The following MMP15 variants were observed in gnomAD, a reference collection of about 807,000 sequenced individuals.
MMP15 encodes matrix metallopeptidase 15.
In MMP15, 36 loss-of-function variants were observed where a neutral mutation model predicts 65.0. The observed-to-expected ratio is 0.55, with a 90% CI of 0.42 to 0.73. MMP15 has a LOEUF of 0.73. Ranked by LOEUF, MMP15 falls within the 30% of genes least tolerant of loss-of-function variation. The probability of loss-of-function intolerance (pLI) is 0.00; values close to 1 mark genes in which losing one functional copy is unlikely to be tolerated. For synonymous variants in MMP15, 428 were observed against 410.2 expected (o/e 1.04, Z -0.52); for missense variants, 870 against 987.8 (o/e 0.88, Z 1.60).
chr16:58,041,942 A>C, intron 6 of MMP15, 72 bp downstream of exon 6: 1 of 1,480,202 alleles, frequency 6.8e-7, no homozygotes, highest in Admixed American at 2.4e-5. Context: ...TCCCACCCTC[A>C]CTCAGCAGGC....
In MMP15 at chr16:58,026,307, G is replaced by C; in HGVS notation, c.-44G>C. On this transcript the variant is annotated 5_prime_UTR_variant, in exon 1 of 10. Coordinates refer to ENST00000219271, the MANE Select transcript of MMP15 (RefSeq NM_002428.4). ...TCGCAAGTTTCCAAGGCGCGTGCGA[G>C]GATCCGGCGTGCAGTGTTCCGAGCT... 8.0e-7 allele frequency: 1 copy of C among 1,251,546 alleles called. No individual in the cohort carries two copies. Among genetic ancestry groups the C allele is most frequent in the African/African-American group, 1.6e-5 (1 of 64,442 alleles). 77.5% of individuals were successfully genotyped at this position (1,251,546 alleles called of 1,614,324 possible). A position where few individuals can be genotyped will look rare whatever the true frequency, so the allele number is the denominator to read the frequency against.
intron 9 of MMP15, among the ~76,000 whole-genome samples, 160 bp from the exon 10 acceptor site, chr16:58,044,847 G>A (rs1356975947): frequency 1.3e-5 from 2 of 152,234 alleles, no homozygotes; most frequent in South Asian, 2.1e-4. Flanking sequence ...CTGAGCCTCA[G>A]TCTGGCTCCT....
intron 1 of MMP15, among the ~76,000 whole-genome samples, chr16:58,026,959 G>A (rs1299052950): frequency 6.6e-6 from 1 of 152,254 alleles, no homozygotes; most frequent in African/African-American, 2.4e-5. Context: ...GCAAGAGCTG[G>A]GCGGCTGGGC....
chr16:58,043,605 G>T lies in MMP15; in HGVS notation c.1548G>T (p.Gly516=). The T allele has an allele frequency of 6.2e-7, 1 of 1,612,440 alleles. No homozygotes were observed. Among genetic ancestry groups the T allele is most frequent in the Non-Finnish European group, 8.5e-7 (1 of 1,179,424 alleles). The change falls in exon 9 of 10, where the codon GGG becomes GGT. Residue 516 remains glycine, a synonymous_variant. Transcript: ENST00000219271. ...VWQGIPASPK[G]AFLSNDAAYT... ...AGGGGATCCCTGCCTCCCCTAAAGG[G>T]GCCTTCCTGAGCAATGACGCAGGTA...
rs1490460561 is a variant in MMP15 at position 58,026,391 on chromosome 16, C to G, written c.41C>G (p.Thr14Arg). ...AGCGCGCCCGGACGGCCGGGCTGGA[C>G]GGGCAGCCTCCTCGGCGACCGGGAG... The part of the protein sequence containing the change: ...DPSAPGRPGW[T>R]GSLLGDREEA... The change falls in exon 1 of 10, where the codon ACG becomes AGG. Residue 14 changes from threonine (T) to arginine (R), a missense_variant. By Grantham distance (71) the Thr-to-Arg change is moderately conservative. Coordinates refer to ENST00000219271, the MANE Select transcript of MMP15 (RefSeq NM_002428.4). 4.2e-5 allele frequency: 59 copies of G among 1,404,570 alleles called. No homozygotes were observed. Among genetic ancestry groups the G allele is most frequent in the Non-Finnish European group, 5.4e-5 (59 of 1,086,368 alleles). The allele number at this position is 1,404,570 out of a possible 1,614,324, so 87.0% of individuals were successfully genotyped here.
chr16:58,032,393 G>C (rs1435350636), intron 1 of MMP15, among the ~76,000 whole-genome samples: 1 of 151,674 alleles, frequency 6.6e-6, no homozygotes, highest in African/African-American at 2.4e-5. Flanking sequence ...CTGAGGAAGA[G>C]CTAACAGTCC....
chr16:58,043,216 G>A lies in MMP15; in HGVS notation c.1310G>A (p.Arg437His), dbSNP rs372092432. Residue 437 changes from arginine (R) to histidine (H), a missense_variant, in exon 8 of 10, where the codon CGC (arginine) becomes CAC (histidine). Coordinates refer to ENST00000219271, the MANE Select transcript of MMP15 (RefSeq NM_002428.4). ...DGRFVFFKGDRYWLFREANLE... is the reference protein window; with the variant it reads ...DGRFVFFKGDHYWLFREANLE... ...CCTGCCACCCCTCCTGTAGGTGACC[G>A]CTACTGGCTCTTTCGAGAAGCGAAC... is the stretch of plus-strand genomic sequence containing the variant. 4.7e-5 allele frequency: 74 copies of A among 1,590,570 alleles called. No individual in the cohort carries two copies. Among genetic ancestry groups the A allele is most frequent in the African/African-American group, 1.2e-4 (9 of 74,564 alleles).
In MMP15 at chr16:58,045,423, C is replaced by T. The variant is rs1297380124; in HGVS notation, c.1987C>T (p.Arg663Cys). The change falls in exon 10 of 10, where the codon CGC (arginine) becomes TGC (cysteine). Residue 663 changes from arginine (R) to cysteine (C), a missense_variant. Coordinates refer to ENST00000219271, the MANE Select transcript of MMP15 (RefSeq NM_002428.4). ...GAPRVLLYCK[R>C]SLQEWV ...GCCACGTGTCCTGCTTTACTGCAAG[C>T]GCTCGCTGCAGGAGTGGGTCTGACC... 3.9e-6 allele frequency: 6 copies of T among 1,550,334 alleles called. No individual in the cohort carries two copies. Among genetic ancestry groups the T allele is most frequent in the African/African-American group, 2.7e-5 (2 of 74,008 alleles).
rs986281522 is a variant in MMP15, at chr16:58,025,877, G to A, written c.-474G>A. 6.6e-6 allele frequency: 1 copy of A among 152,044 alleles called. No homozygotes were observed. The highest frequency in any genetic ancestry group is 2.4e-5 in the African/African-American group (1 of 41,380). The allele number at this position is 152,044 out of a possible 1,614,324, so 9.4% of individuals were successfully genotyped here. A position where few individuals can be genotyped will look rare whatever the true frequency, so the allele number is the denominator to read the frequency against. On this transcript the variant is annotated 5_prime_UTR_variant, in exon 1 of 10. Transcript: ENST00000219271. Reference sequence around the variant, plus strand: ...GGTCGGCTCCCTGCGCCTCCTCCCGGGACTGCTTGGGGACCCGGGCCCGGT... The same window carrying A: ...GGTCGGCTCCCTGCGCCTCCTCCCGAGACTGCTTGGGGACCCGGGCCCGGT...
intron 7 of MMP15, 148 bp downstream of exon 7, chr16:58,042,517 C>T (rs756975904): frequency 1.5e-4 from 175 of 1,199,766 alleles, no homozygotes; most frequent in Non-Finnish European, 1.9e-4. Flanking sequence ...GATGAGGACA[C>T]AGCAGCAAGG....
intron 1 of MMP15, among the ~76,000 whole-genome samples, chr16:58,029,980 A>G (rs1489211270): frequency 6.6e-6 from 1 of 152,082 alleles, no homozygotes; most frequent in East Asian, 1.9e-4. Context: ...CCCTTCCATC[A>G]TCACCTCTGC....
intron 9 of MMP15, among the ~76,000 whole-genome samples, chr16:58,043,892 G>A (rs564258900): frequency 2.6e-5 from 4 of 152,192 alleles, no homozygotes; most frequent in Admixed American, 2.0e-4. Context: ...AAGGTGCGGC[G>A]TCAGGATTCC....
At chr16:58,031,008 C>T (rs1963884147) in intron 1 of MMP15, among the ~76,000 whole-genome samples, 1 of 152,188 alleles carries the variant, frequency 6.6e-6, no homozygotes, top group Non-Finnish European at 1.5e-5. Context: ...GCACCTTCAA[C>T]ATACTTGTGT....
rs192556377 is a variant in MMP15 at position 58,041,529 on chromosome 16, G to A, written c.911-88G>A. On this transcript the variant is annotated intron_variant, in intron 5 of 9. Coordinates refer to ENST00000219271, the MANE Select transcript of MMP15 (RefSeq NM_002428.4). ...GTAGATGGACAGGATTTTACTTTCC[G>A]CGTGGGTGGGCCTGTGCTGGGGGCC... is the stretch of plus-strand genomic sequence containing the variant. 3.7e-4 allele frequency: 525 copies of A among 1,417,032 alleles called. 3 individuals carry two copies. In the East Asian group the frequency reaches 6.8e-3, roughly 18 times the overall value. The allele number at this position is 1,417,032 out of a possible 1,614,324, so 87.8% of individuals were successfully genotyped here. A position where few individuals can be genotyped will look rare whatever the true frequency, so the allele number is the denominator to read the frequency against.
chr16:58,042,151 GA>G, intron 6 of MMP15, 79 bp from the exon 7 acceptor site: 2 of 1,532,848 alleles, frequency 1.3e-6, no homozygotes, highest in East Asian at 4.5e-5. Context: ...CCTCACCTGG[GA>G]AGGGGTGGTT....
chr16:58,042,145 A>C lies in MMP15; in HGVS notation c.1165-86A>C, dbSNP rs1959470239. On this transcript the variant is annotated intron_variant, in intron 6 of 9. Transcript: ENST00000219271. The stretch of plus-strand genomic sequence containing the variant: ...GTGTCCTCCCCTTGGGCCCACCCTC[A>C]CCTGGGAAGGGGTGGTTTGAGGATG... 3 of 1,510,756 alleles carry C rather than the reference A, an allele frequency of 2.0e-6. No individual in the cohort carries two copies. The South Asian group carries it at 3.8e-5, about 19-fold the overall frequency. 93.6% of individuals were successfully genotyped at this position (1,510,756 alleles called of 1,614,324 possible). A position where few individuals can be genotyped will look rare whatever the true frequency, so the allele number is the denominator to read the frequency against.
At position 58,027,084 on chromosome 16, in the gene MMP15, C is replaced by T. The variant is rs909057117; in HGVS notation, c.162+572C>T. On this transcript the variant is annotated intron_variant, in intron 1 of 9. Transcript: ENST00000219271. ...CGGCTGAGGCAGCGGACTCGGGTTG[C>T]GGGGGCGCTTTGGCGACTTTCTGCG... is the stretch of plus-strand genomic sequence containing the variant. 6.6e-5 allele frequency among the ~76,000 whole-genome samples: 10 copies of T among 152,358 alleles called. No homozygotes were observed. The East Asian group carries it at 1.9e-3, about 29-fold the overall frequency.
In MMP15 at chr16:58,041,701, C is replaced by T. The variant is rs1474817294; in HGVS notation, c.995C>T (p.Pro332Leu). 6.3e-7 allele frequency: 1 copy of T among 1,581,062 alleles called. No individual in the cohort carries two copies. Among genetic ancestry groups the T allele is most frequent in the Non-Finnish European group, 8.6e-7 (1 of 1,163,764 alleles). The change falls in exon 6 of 10, where the codon CCC becomes CTC. Residue 332 changes from proline to leucine, a missense_variant. Coordinates refer to ENST00000219271, the MANE Select transcript of MMP15 (RefSeq NM_002428.4). ...RRPGRPDHRPPRPPQPPPPGG... is the reference protein window; with the variant it reads ...RRPGRPDHRPLRPPQPPPPGG... ...CCAGGCCGGCCTGACCACCGGCCGC[C>T]CCGGCCTCCCCAGCCACCACCCCCA...
Position 58,041,803 on chromosome 16 carries a change from GC to G in MMP15, c.1101del (p.Asn368ThrfsTer87). On this transcript the variant is annotated frameshift_variant, in exon 6 of 10. Transcript: ENST00000219271. LOFTEE classifies it high-confidence loss of function. ...GCCACAGAGCGGCCCGACCAGTATG[GC>G]CCCAACATCTGCGACGGGGACTTTG... ...PRATERPDQY[G>X]PNICDGDFDT... 1 of 1,612,312 alleles carries G rather than the reference GC, an allele frequency of 6.2e-7. No homozygotes were observed. Among genetic ancestry groups the G allele is most frequent in the Non-Finnish European group, 8.5e-7 (1 of 1,179,304 alleles).
Sources: allele counts gnomAD v4.1 joint callset (sites outside exome capture counted in the v4.1 genomes callset), GRCh38; gene constraint gnomAD v4.1.1; transcripts MANE v1.5; gene names NCBI Gene and HGNC (gene_info 2026-07-23, HGNC 2026-07-21).